TFAP2D: variants seen among roughly 807,000 people sequenced by gnomAD.
The protein encoded by TFAP2D is transcription factor AP-2 delta, also known as transcription factor AP-2-delta.
A neutral mutation model predicts 43.6 loss-of-function variants in TFAP2D; 9 were observed. That is an observed-to-expected ratio of 0.21 (90% CI 0.12 to 0.36). The LOEUF (loss-of-function observed/expected upper bound fraction) is 0.36. Among genes scored for constraint, TFAP2D ranks in the 10% least tolerant of loss-of-function variants. The pLI, the probability that TFAP2D is intolerant of heterozygous loss-of-function variation, is 1.00. For missense variants in TFAP2D, 513 were observed against 561.4 expected (o/e 0.91, Z 0.87); for synonymous variants, 256 against 224.9 (o/e 1.14, Z -1.24).
At chr6:50,743,869 A>G (rs1326682509) in intron 5 of TFAP2D, among the ~76,000 whole-genome samples, 1 of 152,188 alleles carries the variant, frequency 6.6e-6, no homozygotes, top group Non-Finnish European at 1.5e-5. Flanking sequence ...TAAAAATTAC[A>G]AAGTGCTACT....
chr6:50,764,189 G>A (rs1443506602), intron 7 of TFAP2D, among the ~76,000 whole-genome samples: 5 of 151,926 alleles, frequency 3.3e-5, no homozygotes, highest in Non-Finnish European at 1.5e-5. Flanking sequence ...CAACTTCATT[G>A]TCTCTGAAAC....
Position 50,715,137 on chromosome 6 carries a change from A to T in TFAP2D, c.61A>T (p.Ser21Cys), listed in dbSNP as rs1158470662. ...CCAGATACGTCACGACGGATCAAAC[A>T]GCTACCGTTTGATGCAGCTTGGCTG... Reference protein sequence around the residue: ...DAEIRHDGSNSYRLMQLGCLE... With the variant: ...DAEIRHDGSNCYRLMQLGCLE... Residue 21 changes from serine to cysteine, a missense_variant, in exon 2 of 8, where the codon AGC becomes TGC. Ser to Cys is a moderately radical substitution (Grantham distance 112). Transcript: ENST00000008391. 6.2e-7 allele frequency: 1 copy of T among 1,613,978 alleles called. No individual in the cohort carries two copies. The highest frequency in any genetic ancestry group is 8.5e-7 in the Non-Finnish European group (1 of 1,179,990).
At position 50,719,777 on chromosome 6, in the gene TFAP2D, G is replaced by C. The variant is rs559862594; in HGVS notation, c.598+627G>C. ...GGAGGAGGTGGTGTTAACTGTACTG[G>C]ATAAAGCTTTCTTGTTCCCATCTGT... On this transcript the variant is annotated intron_variant, in intron 3 of 7. Coordinates refer to ENST00000008391, the MANE Select transcript of TFAP2D (RefSeq NM_172238.4). Among the ~76,000 whole-genome samples, 13 of 152,274 alleles carry C rather than the reference G, an allele frequency of 8.5e-5. No individual in the cohort carries two copies. In the South Asian group the frequency reaches 2.7e-3, roughly 32 times the overall value.
chr6:50,763,551 T>G (rs1769396029), intron 7 of TFAP2D, among the ~76,000 whole-genome samples: 1 of 152,194 alleles, frequency 6.6e-6, no homozygotes, highest in Admixed American at 6.5e-5. Context: ...ATTACATATC[T>G]TACTAAATCC....
chr6:50,723,013 A>G (rs1258995825), intron 3 of TFAP2D, among the ~76,000 whole-genome samples: 2 of 152,226 alleles, frequency 1.3e-5, no homozygotes, highest in East Asian at 3.9e-4. Context: ...GCCCGTGGCT[A>G]CACAAAATAC....
chr6:50,742,234 C>T (rs1186511875), intron 5 of TFAP2D, among the ~76,000 whole-genome samples: 1 of 151,978 alleles, frequency 6.6e-6, no homozygotes, highest in Non-Finnish European at 1.5e-5. Context: ...TCACTTGCCA[C>T]TTCTTTTAAT....
chr6:50,738,063 A>G (rs1768987627), intron 5 of TFAP2D, among the ~76,000 whole-genome samples: 1 of 152,126 alleles, frequency 6.6e-6, no homozygotes, highest in Admixed American at 6.6e-5. Context: ...ACATTATAGT[A>G]CTTTCCTGTA....
intron 7 of TFAP2D, among the ~76,000 whole-genome samples, chr6:50,754,339 T>C (rs1404895199): frequency 6.6e-6 from 1 of 151,950 alleles, no homozygotes; most frequent in African/African-American, 2.4e-5. Flanking sequence ...TTTCTGTGTG[T>C]GTGTATGTGT....
intron 3 of TFAP2D, among the ~76,000 whole-genome samples, chr6:50,722,123 G>A (rs535431406): frequency 6.6e-6 from 1 of 152,138 alleles, no homozygotes; most frequent in Non-Finnish European, 1.5e-5. Flanking sequence ...GTGAAAGAGG[G>A]GGCAGCAGCT....
intron 7 of TFAP2D, 133 bp from the exon 8 acceptor site, chr6:50,772,512 A>G (rs1373074973): frequency 1.9e-5 from 15 of 782,146 alleles, no homozygotes; most frequent in African/African-American, 8.7e-5. Context: ...TATCTTCCAC[A>G]ATGCTTAGCA....
At chr6:50,762,831 G>A (rs1769381857) in intron 7 of TFAP2D, among the ~76,000 whole-genome samples, 1 of 151,970 alleles carries the variant, frequency 6.6e-6, no homozygotes, top group Admixed American at 6.6e-5. Context: ...TGAAATCAAT[G>A]AGCTGTAATC....
intron 3 of TFAP2D, among the ~76,000 whole-genome samples, chr6:50,721,574 A>G (rs527627540): frequency 2.3e-4 from 35 of 152,300 alleles, no homozygotes; most frequent in Admixed American, 7.2e-4. Context: ...TATTTTCTCA[A>G]TTGTCATGGT....
chr6:50,748,304 G>C (rs751418964), intron 6 of TFAP2D, among the ~76,000 whole-genome samples: 41 of 151,962 alleles, frequency 2.7e-4, no homozygotes, highest in Non-Finnish European at 5.5e-4. Flanking sequence ...AATTAAAATG[G>C]TAAAAGTTAA....
intron 3 of TFAP2D, among the ~76,000 whole-genome samples, chr6:50,724,914 T>C (rs1486569929): frequency 6.6e-6 from 1 of 152,014 alleles, no homozygotes; most frequent in African/African-American, 2.4e-5. Context: ...CATTTCCCAT[T>C]GCACCTCCTT....
chr6:50,732,084 T>G (rs2114040449), intron 5 of TFAP2D, among the ~76,000 whole-genome samples: 1 of 152,204 alleles, frequency 6.6e-6, no homozygotes, highest in East Asian at 1.9e-4. Context: ...TAATGTTTTC[T>G]CCCTCAATCA....
intron 5 of TFAP2D, among the ~76,000 whole-genome samples, chr6:50,730,670 G>C (rs1255844759): frequency 1.3e-5 from 2 of 152,038 alleles, no homozygotes; most frequent in Non-Finnish European, 2.9e-5. Flanking sequence ...TGGGTGGTAG[G>C]ACTCGAGTAG....
intron 5 of TFAP2D, among the ~76,000 whole-genome samples, chr6:50,740,842 C>G (rs1312643778): frequency 6.6e-6 from 1 of 152,158 alleles, no homozygotes; most frequent in Non-Finnish European, 1.5e-5. Flanking sequence ...AACTCAGGAT[C>G]TTGGCACAAT....
intron 7 of TFAP2D, among the ~76,000 whole-genome samples, chr6:50,761,789 T>A (rs1021000740): frequency 3.9e-5 from 6 of 152,096 alleles, no homozygotes; most frequent in African/African-American, 1.4e-4. Flanking sequence ...CTATACTTAC[T>A]TAGATTAGAG....
chr6:50,760,277 A>T (rs1769345171), intron 7 of TFAP2D, among the ~76,000 whole-genome samples: 1 of 152,016 alleles, frequency 6.6e-6, no homozygotes, highest in Non-Finnish European at 1.5e-5. Flanking sequence ...CAGACATAAT[A>T]GTTAGGCATT....
Sources: allele counts gnomAD v4.1 joint callset (sites outside exome capture counted in the v4.1 genomes callset), GRCh38; gene constraint gnomAD v4.1.1; transcripts MANE v1.5; gene names NCBI Gene and HGNC (gene_info 2026-07-23, HGNC 2026-07-21).